IRAK4: variants seen among roughly 807,000 people sequenced by gnomAD.
The protein encoded by IRAK4 is interleukin-1 receptor-associated kinase 4.
Under a neutral mutation model 51.8 loss-of-function variants are expected in IRAK4, and 44 were observed. The observed-to-expected ratio is 0.85, with a 90% CI of 0.67 to 1.09. The LOEUF is 1.09. Ranked by LOEUF, IRAK4 falls within the 50% of genes least tolerant of loss-of-function variation. IRAK4 has a pLI of 0.00. For synonymous variants in IRAK4, 149 were observed against 174.1 expected (o/e 0.86, Z 1.13); for missense variants, 487 against 538.0 (o/e 0.91, Z 0.94).
rs995161171 is a variant in IRAK4 at position 43,786,916 on chromosome 12, C to G, written c.*201C>G. 3.4e-6 allele frequency: 2 copies of G among 592,322 alleles called. No homozygotes were observed. The highest frequency in any genetic ancestry group is 3.7e-5 in the African/African-American group (2 of 53,546). 36.7% of individuals were successfully genotyped at this position (592,322 alleles called of 1,614,324 possible). A position where few individuals can be genotyped will look rare whatever the true frequency, so the allele number is the denominator to read the frequency against. On this transcript the variant is annotated 3_prime_UTR_variant, in exon 12 of 12. Coordinates refer to ENST00000613694, the MANE Select transcript of IRAK4 (RefSeq NM_016123.4). The stretch of plus-strand genomic sequence containing the variant: ...AACACTTAGCCCTACCCATTAGTAT[C>G]ACCCCCAGTTCTTACAGTAATCCCT...
At chr12:43,768,830 G>A (rs903381537) in intron 2 of IRAK4, among the ~76,000 whole-genome samples, 41 of 152,114 alleles carry the variant, frequency 2.7e-4, no homozygotes, top group African/African-American at 8.9e-4. Context: ...GCTCAATTTA[G>A]TGTAAAATAT....
At chr12:43,766,325 G>A (rs1370412794) in intron 1 of IRAK4, among the ~76,000 whole-genome samples, 1 of 151,896 alleles carries the variant, frequency 6.6e-6, no homozygotes, top group East Asian at 1.9e-4. Flanking sequence ...TTTTCTTTTG[G>A]GCTTATCCTC....
At chr12:43,765,067 T>A (rs1282118395) in intron 1 of IRAK4, among the ~76,000 whole-genome samples, 1 of 152,334 alleles carries the variant, frequency 6.6e-6, no homozygotes. Context: ...CTGTTACAAT[T>A]TTTTGAGGAA....
At chr12:43,772,856 A>G (rs1431949161) in intron 4 of IRAK4, 56 bp from the exon 5 acceptor site, 3 of 1,261,318 alleles carry the variant, frequency 2.4e-6, no homozygotes, top group Non-Finnish European at 3.4e-6. Flanking sequence ...AGAAAATATT[A>G]TAATTATTAA....
At chr12:43,765,342 A>G (rs149620057) in intron 1 of IRAK4, among the ~76,000 whole-genome samples, 17 of 152,352 alleles carry the variant, frequency 1.1e-4, no homozygotes, top group African/African-American at 3.4e-4. Context: ...CTGCCGCAGC[A>G]GGCTTCATCT....
intron 8 of IRAK4, among the ~76,000 whole-genome samples, chr12:43,780,700 T>A (rs1941704036): frequency 6.6e-6 from 1 of 151,762 alleles, no homozygotes; most frequent in African/African-American, 2.4e-5. Flanking sequence ...GCCTCCTGAG[T>A]AGCTTGGATT....
In IRAK4 at chr12:43,771,343, T is replaced by G; in HGVS notation, c.285T>G (p.Ala95=). The G allele has an allele frequency of 6.2e-7, 1 of 1,614,196 alleles. No homozygotes were observed. ...TTTTGATCCAAAATGAATTTTTTGC[T>G]CCTGCGAGTCTTTTGCTCCCAGGTA... is the stretch of plus-strand genomic sequence containing the variant. The part of the protein sequence containing the change: ...VDLLIQNEFF[A]PASLLLPDAV... The change falls in exon 3 of 12, where the codon GCT becomes GCG. Residue 95 remains alanine, a synonymous_variant. Transcript: ENST00000613694.
intron 2 of IRAK4, 74 bp downstream of exon 2, chr12:43,768,346 T>C: frequency 8.7e-7 from 1 of 1,144,536 alleles, no homozygotes; most frequent in South Asian, 1.4e-5. Flanking sequence ...ATAAGTACTG[T>C]CTAATGTGGC....
intron 1 of IRAK4, among the ~76,000 whole-genome samples, chr12:43,760,053 G>A (rs1939322980): frequency 6.6e-6 from 1 of 152,162 alleles, no homozygotes; most frequent in South Asian, 2.1e-4. Flanking sequence ...GGGCTATCGG[G>A]AAGTTCAAAT....
chr12:43,778,195 T>C lies in IRAK4; in HGVS notation c.834T>C (p.Asp278=), dbSNP rs754767022. The C allele has an allele frequency of 3.2e-6, 5 of 1,565,290 alleles. No individual in the cohort carries two copies. Among genetic ancestry groups the C allele is most frequent in the Non-Finnish European group, 4.4e-6 (5 of 1,135,630 alleles). ...GSLLDRLSCL[D]GTPPLSWHMR... ...AATTTGGTTTATTTCTTTATAAGGATGGTACTCCACCACTTTCTTGGCACA... is the reference window on the plus strand; with the variant it reads ...AATTTGGTTTATTTCTTTATAAGGACGGTACTCCACCACTTTCTTGGCACA... Residue 278 remains aspartate (D), a splice_region_variant and synonymous_variant, in exon 8 of 12, where the codon GAT becomes GAC. Transcript: ENST00000613694.
At position 43,787,422 on chromosome 12, in the gene IRAK4, AGG is replaced by A. The variant is rs1942289097; in HGVS notation, c.*709_*710del. The A allele has an allele frequency of 6.6e-6, 1 of 152,302 alleles. No homozygotes were observed. Among genetic ancestry groups the A allele is most frequent in the African/African-American group, 2.4e-5 (1 of 41,460 alleles). 9.4% of individuals were successfully genotyped at this position (152,302 alleles called of 1,614,324 possible). On this transcript the variant is annotated 3_prime_UTR_variant, in exon 12 of 12. Transcript: ENST00000613694. Reference sequence around the variant, plus strand: ...AACAACTCACTTTGAGACTGTTGAAAGGGCCTGACCTAATCAAGTGAACCCTT... The same window carrying A: ...AACAACTCACTTTGAGACTGTTGAAAGCCTGACCTAATCAAGTGAACCCTT...
chr12:43,768,219 T>C lies in IRAK4; in HGVS notation c.108T>C (p.Ala36=), dbSNP rs1463697671. ...CTCAAGAAGGATGGAAGAAGTTAGC[T>C]GTAGCTATTAAAAAACCATCTGGTG... ...IDPQEGWKKL[A]VAIKKPSGDD... is the part of the protein sequence containing the mutation. The change falls in exon 2 of 12, where the codon GCT becomes GCC. Residue 36 remains alanine, a synonymous_variant. Transcript: ENST00000613694. The C allele has an allele frequency of 3.1e-6, 5 of 1,613,232 alleles. No individual in the cohort carries two copies. The highest frequency in any genetic ancestry group is 1.6e-4 in the Middle Eastern group (1 of 6,070).
At chr12:43,766,818 G>A (rs1032984918) in intron 1 of IRAK4, among the ~76,000 whole-genome samples, 1 of 152,168 alleles carries the variant, frequency 6.6e-6, no homozygotes, top group African/African-American at 2.4e-5. Flanking sequence ...GTCACTAGGT[G>A]TATATTCATG....
At chr12:43,777,042 A>G (rs1298425560) in intron 6 of IRAK4, among the ~76,000 whole-genome samples, 1 of 152,206 alleles carries the variant, frequency 6.6e-6, no homozygotes, top group Non-Finnish European at 1.5e-5. Context: ...CTAGTCCTTA[A>G]CCAAACTTAT....
At chr12:43,772,070 C>A in intron 3 of IRAK4, 110 bp from the exon 4 acceptor site, 3 of 837,986 alleles carry the variant, frequency 3.6e-6, no homozygotes, top group South Asian at 1.5e-5. Context: ...GAATATGAGA[C>A]CAACCTGTAG....
At position 43,786,698 on chromosome 12, in the gene IRAK4, G is replaced by A. The variant is rs148873968; in HGVS notation, c.1366G>A (p.Glu456Lys). The A allele has an allele frequency of 1.9e-6, 3 of 1,613,656 alleles. No individual in the cohort carries two copies. The highest frequency in any genetic ancestry group is 2.7e-5 in the African/African-American group (2 of 75,012). ...TTAAAAGGTTCAACAGCTGCTGCAA[G>A]AGATGACAGCTTCTTAAAACTTTAT... ...DIKKVQQLLQ[E>K]MTAS The change falls in exon 12 of 12, where the codon GAG becomes AAG. Residue 456 changes from glutamate to lysine, a missense_variant. By Grantham distance (56) the Glu-to-Lys change is moderately conservative. Coordinates refer to ENST00000613694, the MANE Select transcript of IRAK4 (RefSeq NM_016123.4).
intron 1 of IRAK4, among the ~76,000 whole-genome samples, chr12:43,764,115 A>T (rs1939867093): frequency 6.6e-6 from 1 of 152,216 alleles, no homozygotes; most frequent in Non-Finnish European, 1.5e-5. Context: ...GGAAAAATTG[A>T]ATTAAAAGAT....
At chr12:43,760,123 G>C (rs1480701808) in intron 1 of IRAK4, among the ~76,000 whole-genome samples, 1 of 152,154 alleles carries the variant, frequency 6.6e-6, no homozygotes, top group Non-Finnish European at 1.5e-5. Context: ...TCCAAACTGA[G>C]CTTCTGATAT....
intron 8 of IRAK4, among the ~76,000 whole-genome samples, chr12:43,780,657 C>T (rs1941699923): frequency 1.3e-5 from 2 of 151,156 alleles, no homozygotes; most frequent in South Asian, 2.1e-4. Context: ...CTGCAACCGT[C>T]GCCTCCCGGG....
Sources: allele counts gnomAD v4.1 joint callset (sites outside exome capture counted in the v4.1 genomes callset), GRCh38; gene constraint gnomAD v4.1.1; transcripts MANE v1.5; gene names NCBI Gene and HGNC (gene_info 2026-07-23, HGNC 2026-07-21).